The following BMAL1 variants were observed in gnomAD, a reference collection of about 807,000 sequenced individuals.
BMAL1 encodes basic helix-loop-helix ARNT-like protein 1.
At chr11:13,298,336 C>G in the BMAL1 span, among the ~76,000 whole-genome samples, 1 of 152,168 alleles carries the variant, frequency 6.6e-6, no homozygotes, top group African/African-American at 2.4e-5. Flanking sequence ...ATTCTTCCCC[C>G]AGAGGTGTGT....
chr11:13,302,333 G>C, the BMAL1 span, among the ~76,000 whole-genome samples: 2 of 152,206 alleles, frequency 1.3e-5, no homozygotes, highest in Non-Finnish European at 2.9e-5. Flanking sequence ...GCAGAGTGCT[G>C]CGTGTTCCTG....
At chr11:13,351,257 C>T in the BMAL1 span, among the ~76,000 whole-genome samples, 1 of 152,100 alleles carries the variant, frequency 6.6e-6, no homozygotes, top group Non-Finnish European at 1.5e-5. Context: ...TTTGGAATGT[C>T]GAGCTCATAG....
At chr11:13,327,392 T>A in the BMAL1 span, among the ~76,000 whole-genome samples, 1 of 152,176 alleles carries the variant, frequency 6.6e-6, no homozygotes, top group African/African-American at 2.4e-5. Context: ...AAGCCACAGA[T>A]TGAGTCTGTA....
the BMAL1 span, chr11:13,365,374 C>A: frequency 2.8e-6 from 2 of 714,568 alleles, no homozygotes; most frequent in Non-Finnish European, 2.3e-6. Flanking sequence ...CTCAGGATAT[C>A]ACTGAAACTG....
the BMAL1 span, among the ~76,000 whole-genome samples, chr11:13,299,257 T>G: frequency 6.6e-6 from 1 of 152,178 alleles, no homozygotes; most frequent in Non-Finnish European, 1.5e-5. Flanking sequence ...GTTTCACATA[T>G]AAGAGTTTGG....
At chr11:13,283,415 C>G in the BMAL1 span, among the ~76,000 whole-genome samples, 1 of 152,180 alleles carries the variant, frequency 6.6e-6, no homozygotes, top group East Asian at 1.9e-4. Flanking sequence ...GTCACCTTTG[C>G]TTATTAACTC....
chr11:13,367,629 A>AG, the BMAL1 span, among the ~76,000 whole-genome samples: 1 of 142,576 alleles, frequency 7.0e-6, no homozygotes, highest in East Asian at 2.2e-4. Context: ...TGAATCCAGG[A>AG]GGTGGGGGTT....
the BMAL1 span, among the ~76,000 whole-genome samples, chr11:13,284,257 TATATATATA>T: frequency 0.02 from 554 of 28,298 alleles, 67 homozygotes; most frequent in South Asian, 0.035. Flanking sequence ...TATATATATA[TATATATATA>T]TTTTTTTTTT....
chr11:13,322,806 T>C, the BMAL1 span, among the ~76,000 whole-genome samples: 41 of 144,152 alleles, frequency 2.8e-4, no homozygotes, highest in Admixed American at 1.4e-4. Flanking sequence ...TTTTTTTTTT[T>C]TGAGAGAGGG....
chr11:13,372,445 T>C, the BMAL1 span: 1 of 1,605,722 alleles, frequency 6.2e-7, no homozygotes, highest in Non-Finnish European at 8.5e-7. Context: ...GCAATGATGG[T>C]AGAGGATTTT....
chr11:13,296,085 G>A, the BMAL1 span, among the ~76,000 whole-genome samples: 1 of 152,116 alleles, frequency 6.6e-6, no homozygotes, highest in Non-Finnish European at 1.5e-5. Context: ...AAACTTAGGC[G>A]ATTTCCCTGA....
At chr11:13,356,831 C>T in the BMAL1 span, 1 of 1,613,352 alleles carries the variant, frequency 6.2e-7, no homozygotes, top group Non-Finnish European at 8.5e-7. Flanking sequence ...ATTTTCTTTG[C>T]ACTGTTACAC....
chr11:13,281,262 G>C, the BMAL1 span, among the ~76,000 whole-genome samples: 1 of 152,104 alleles, frequency 6.6e-6, no homozygotes, highest in African/African-American at 2.4e-5. Context: ...GACTTGTGGT[G>C]AGCCTGCTGT....
the BMAL1 span, among the ~76,000 whole-genome samples, chr11:13,293,892 A>C: frequency 0.65 from 99,274 of 152,146 alleles, 32,716 homozygotes; most frequent in Non-Finnish European, 0.71. Flanking sequence ...AGGCCACCAA[A>C]ACTTGATTTC....
chr11:13,282,921 A>G, the BMAL1 span, among the ~76,000 whole-genome samples: 5 of 152,328 alleles, frequency 3.3e-5, no homozygotes, highest in Admixed American at 6.5e-5. Context: ...TGGAGGGAAC[A>G]GGATGCACAC....
At chr11:13,357,229 G>GGT in the BMAL1 span, 2 of 1,333,094 alleles carry the variant, frequency 1.5e-6, no homozygotes, top group Non-Finnish European at 2.0e-6. The surrounding 1 kb of genome is among the most constrained non-coding windows in gnomAD (Gnocchi z 4.8). Flanking sequence ...GGAATAGGCA[G>GGT]GTAGTGGGCC....
chr11:13,285,128 C>T, the BMAL1 span, among the ~76,000 whole-genome samples: 12 of 152,198 alleles, frequency 7.9e-5, no homozygotes, highest in African/African-American at 2.4e-4. Context: ...TGTGTGCTCT[C>T]CCTTTTGCTC....
chr11:13,340,576 C>T, the BMAL1 span, among the ~76,000 whole-genome samples: 20 of 152,276 alleles, frequency 1.3e-4, no homozygotes, highest in African/African-American at 2.4e-4. Context: ...TGAAATGCTG[C>T]GCTCTGGAAT....
the BMAL1 span, among the ~76,000 whole-genome samples, chr11:13,322,778 CTTTTTTTTTTT>C: frequency 1.4e-4 from 7 of 50,332 alleles, no homozygotes; most frequent in Admixed American, 2.1e-4. Context: ...GTGAGCAAGT[CTTTTTTTTTTT>C]TTTTTTTTTT....
Sources: allele counts gnomAD v4.1 joint callset (sites outside exome capture counted in the v4.1 genomes callset), GRCh38; gene constraint gnomAD v4.1.1; non-coding constraint Gnocchi (gnomAD v3.1); transcripts MANE v1.5; gene names NCBI Gene and HGNC (gene_info 2026-07-23, HGNC 2026-07-21).